The following UBASH3B variants were observed in gnomAD, a reference collection of about 807,000 sequenced individuals.
UBASH3B encodes ubiquitin associated and SH3 domain containing B, also known as ubiquitin-associated and SH3 domain-containing protein B.
A neutral mutation model predicts 83.4 loss-of-function variants in UBASH3B; 37 were observed. That is an observed-to-expected ratio of 0.44 (90% CI 0.34 to 0.58). The LOEUF is 0.58. Among genes scored for constraint, UBASH3B ranks in the 20% least tolerant of loss-of-function variants. The pLI is 0.01. For missense variants in UBASH3B, 657 were observed against 827.2 expected, an observed-to-expected ratio of 0.79 and a Z score of 2.52; for synonymous variants, 304 against 318.3, an observed-to-expected ratio of 0.96 and a Z score of 0.48.
chr11:122,784,352 A>G (rs1465796596), intron 5 of UBASH3B, among the ~76,000 whole-genome samples: 1 of 152,136 alleles, frequency 6.6e-6, no homozygotes, highest in Non-Finnish European at 1.5e-5. Flanking sequence ...AAGAAGGGCA[A>G]CCTGTCTGAA....
chr11:122,743,652 A>G (rs1028520870), intron 1 of UBASH3B, among the ~76,000 whole-genome samples: 4 of 152,210 alleles, frequency 2.6e-5, no homozygotes, highest in African/African-American at 9.6e-5. Context: ...GTAGAACACA[A>G]AGTGCTGCAA....
intron 1 of UBASH3B, among the ~76,000 whole-genome samples, chr11:122,672,382 C>A (rs759559480): frequency 1.3e-5 from 2 of 151,712 alleles, no homozygotes; most frequent in Non-Finnish European, 2.9e-5. Context: ...TCCAGTGGTA[C>A]AATCTTGGCT....
intron 1 of UBASH3B, among the ~76,000 whole-genome samples, chr11:122,699,557 C>CT (rs998706564): frequency 5.2e-4 from 75 of 142,984 alleles, no homozygotes; most frequent in African/African-American, 1.8e-3. Context: ...TTCTTTCTTT[C>CT]TTTCTTTCTT....
chr11:122,725,340 A>G (rs867311029), intron 1 of UBASH3B, among the ~76,000 whole-genome samples: 1,690 of 135,286 alleles, frequency 0.012, 46 homozygotes, highest in African/African-American at 0.041. Context: ...AAAAAAAAAA[A>G]AAAAGAAAAG....
At chr11:122,767,278 A>T (rs949603167) in intron 1 of UBASH3B, among the ~76,000 whole-genome samples, 2 of 148,520 alleles carry the variant, frequency 1.3e-5, no homozygotes, top group African/African-American at 5.0e-5. Flanking sequence ...AAAAAAAAAA[A>T]AAAGTAATCT....
chr11:122,694,416 C>T (rs746242627), intron 1 of UBASH3B, among the ~76,000 whole-genome samples: 1 of 152,020 alleles, frequency 6.6e-6, no homozygotes, highest in Non-Finnish European at 1.5e-5. Context: ...CTTACTCAGG[C>T]CAGCATGGTG....
intron 1 of UBASH3B, among the ~76,000 whole-genome samples, chr11:122,725,077 C>G (rs1425155452): frequency 1.8e-5 from 2 of 109,098 alleles, no homozygotes; most frequent in Non-Finnish European, 3.4e-5. Context: ...TCAATCAATT[C>G]TCCTGCCTCA....
At chr11:122,791,481 A>G (rs1220950741) in intron 6 of UBASH3B, among the ~76,000 whole-genome samples, 1 of 152,204 alleles carries the variant, frequency 6.6e-6, no homozygotes, top group African/African-American at 2.4e-5. Flanking sequence ...AATGATGATT[A>G]TTCTCTTTTT....
intron 1 of UBASH3B, among the ~76,000 whole-genome samples, chr11:122,695,414 C>A (rs1565532076): frequency 1.3e-5 from 2 of 152,188 alleles, no homozygotes; most frequent in African/African-American, 2.4e-5. Flanking sequence ...AGTACTCGTG[C>A]CAGCAGGCTG....
chr11:122,810,445 T>G lies in UBASH3B; in HGVS notation c.*559T>G, dbSNP rs1861424952. On this transcript the variant is annotated 3_prime_UTR_variant, in exon 14 of 14. Coordinates refer to ENST00000284273, the MANE Select transcript of UBASH3B (RefSeq NM_032873.5). ...GTCACTAGCCCCCATACACCAGTGT[T>G]GCTGGCTGAAGATACCCGCTTAAGG... The G allele has an allele frequency of 6.5e-6, 1 of 152,760 alleles. No homozygotes were observed. The allele number at this position is 152,760 out of a possible 1,614,324, so 9.5% of individuals were successfully genotyped here. A position where few individuals can be genotyped will look rare whatever the true frequency, so the allele number is the denominator to read the frequency against.
At chr11:122,761,058 A>G (rs1199416693) in intron 1 of UBASH3B, among the ~76,000 whole-genome samples, 3 of 152,192 alleles carry the variant, frequency 2.0e-5, no homozygotes, top group African/African-American at 7.2e-5. Flanking sequence ...TTCCTTTGGT[A>G]GAATCTGACC....
chr11:122,677,343 T>C (rs1863681670), intron 1 of UBASH3B, among the ~76,000 whole-genome samples: 1 of 152,238 alleles, frequency 6.6e-6, no homozygotes, highest in African/African-American at 2.4e-5. Context: ...CTGTACGTTC[T>C]TTTCAAATAT....
chr11:122,778,946 G>A (rs757330602), intron 3 of UBASH3B, among the ~76,000 whole-genome samples: 47 of 152,098 alleles, frequency 3.1e-4, no homozygotes, highest in Non-Finnish European at 4.4e-4. Context: ...CATTTATGGC[G>A]TATAACATGA....
intron 1 of UBASH3B, among the ~76,000 whole-genome samples, chr11:122,755,113 TTC>T (rs1861262779): frequency 6.6e-6 from 1 of 151,924 alleles, no homozygotes; most frequent in Non-Finnish European, 1.5e-5. Flanking sequence ...GACTACACGG[TTC>T]TCTCTTTTCA....
chr11:122,704,630 C>T (rs971018646), intron 1 of UBASH3B, among the ~76,000 whole-genome samples: 1 of 152,010 alleles, frequency 6.6e-6, no homozygotes, highest in Admixed American at 6.6e-5. Flanking sequence ...CTGCCTCAGC[C>T]TCCCGAGTAG....
chr11:122,747,075 G>T (rs916297822), intron 1 of UBASH3B, among the ~76,000 whole-genome samples: 1 of 152,226 alleles, frequency 6.6e-6, no homozygotes, highest in Non-Finnish European at 1.5e-5. Flanking sequence ...GCTGCGGGGT[G>T]GGGGTGGTCA....
intron 1 of UBASH3B, among the ~76,000 whole-genome samples, chr11:122,675,415 C>T (rs1234398599): frequency 6.6e-6 from 1 of 152,168 alleles, no homozygotes; most frequent in African/African-American, 2.4e-5. Context: ...GGATGCTCAG[C>T]GTTCTGTGGC....
intron 1 of UBASH3B, among the ~76,000 whole-genome samples, chr11:122,737,928 C>T (rs1184222667): frequency 6.6e-6 from 1 of 152,118 alleles, no homozygotes; most frequent in African/African-American, 2.4e-5. Context: ...TGGAGAAAGA[C>T]TGGACAGATT....
chr11:122,685,434 A>G (rs1490288792), intron 1 of UBASH3B, among the ~76,000 whole-genome samples: 1 of 152,226 alleles, frequency 6.6e-6, no homozygotes. Context: ...TCTGCCTGTG[A>G]GTACTCCAAT....
Sources: allele counts gnomAD v4.1 joint callset (sites outside exome capture counted in the v4.1 genomes callset), GRCh38; gene constraint gnomAD v4.1.1; transcripts MANE v1.5; gene names NCBI Gene and HGNC (gene_info 2026-07-23, HGNC 2026-07-21).